Variants in PDLIM1 observed in about 807,000 individuals in gnomAD.
PDLIM1 encodes the protein PDZ and LIM domain 1.
A neutral mutation model predicts 35.2 loss-of-function variants in PDLIM1; 25 were observed. That is an observed-to-expected ratio of 0.71 (90% CI 0.52 to 0.99). The LOEUF is 0.99. Among genes scored for constraint, PDLIM1 ranks in the 50% least tolerant of loss-of-function variants. The probability of loss-of-function intolerance (pLI) is 0.00; values close to 1 mark genes in which losing one functional copy is unlikely to be tolerated. For synonymous variants in PDLIM1, 152 were observed against 154.0 expected (o/e 0.99, Z 0.10); for missense variants, 363 against 415.3 (o/e 0.87, Z 1.09).
At chr10:95,244,606 A>G (rs960652561) in intron 5 of PDLIM1, among the ~76,000 whole-genome samples, 3 of 152,240 alleles carry the variant, frequency 2.0e-5, no homozygotes, top group African/African-American at 7.2e-5. Flanking sequence ...TCAAATAAAA[A>G]CAGGCATTTG....
intron 1 of PDLIM1, among the ~76,000 whole-genome samples, chr10:95,281,451 C>T (rs999929455): frequency 9.2e-5 from 14 of 152,098 alleles, no homozygotes; most frequent in African/African-American, 3.1e-4. Context: ...GTAGTCCCAG[C>T]TACTCAAGGA....
intron 2 of PDLIM1, among the ~76,000 whole-genome samples, chr10:95,269,414 A>T (rs2035442916): frequency 6.6e-6 from 1 of 151,910 alleles, no homozygotes; most frequent in Non-Finnish European, 1.5e-5. Context: ...TCCACTAAAA[A>T]TACAAAAATT....
intron 1 of PDLIM1, among the ~76,000 whole-genome samples, chr10:95,277,811 A>T (rs45576435): frequency 0.038 from 5,777 of 152,216 alleles, 288 homozygotes; most frequent in African/African-American, 0.12. Flanking sequence ...TCTCCACTCC[A>T]AGTTCATAAT....
chr10:95,290,827 A>G lies in PDLIM1; in HGVS notation c.89T>C (p.Ile30Thr). The G allele has an allele frequency of 6.4e-7, 1 of 1,558,654 alleles. No homozygotes were observed. Among genetic ancestry groups the G allele is most frequent in the Non-Finnish European group, 8.7e-7 (1 of 1,151,238 alleles). ...GGKDFEQPLA[I>T]SRVTPGSKAA... Reference sequence around the variant, plus strand: ...CGTCCCAGCTGCTCTTACCCGGGAAATGGCGAGAGGCTGCTCGAAGTCCTT... The same window carrying G: ...CGTCCCAGCTGCTCTTACCCGGGAAGTGGCGAGAGGCTGCTCGAAGTCCTT... The change falls in exon 1 of 7, where the codon ATT becomes ACT. Residue 30 changes from isoleucine to threonine, a missense_variant. By Grantham distance (89) the Ile-to-Thr change is moderately conservative (BLOSUM62 -1). Transcript: ENST00000329399. The surrounding 1 kb of genome is among the most constrained non-coding windows in gnomAD (Gnocchi z 4.7).
At chr10:95,249,680 C>G (rs191490003) in intron 4 of PDLIM1, among the ~76,000 whole-genome samples, 165 of 152,336 alleles carry the variant, frequency 1.1e-3, no homozygotes, top group African/African-American at 3.8e-3. Context: ...CTCCTTTCTT[C>G]CTTTCTCTTT....
At chr10:95,280,867 A>G (rs2035555442) in intron 1 of PDLIM1, among the ~76,000 whole-genome samples, 1 of 152,152 alleles carries the variant, frequency 6.6e-6, no homozygotes, top group Admixed American at 6.5e-5. Context: ...GCCAACTGTG[A>G]TATTTGCAAG....
At chr10:95,261,845 C>T (rs2035364402) in intron 4 of PDLIM1, among the ~76,000 whole-genome samples, 1 of 152,008 alleles carries the variant, frequency 6.6e-6, no homozygotes, top group Admixed American at 6.6e-5. Flanking sequence ...CCCATCTATA[C>T]TAAAAACACA....
At chr10:95,268,344 T>C (rs1157447972) in intron 3 of PDLIM1, among the ~76,000 whole-genome samples, 1 of 152,228 alleles carries the variant, frequency 6.6e-6, no homozygotes, top group Non-Finnish European at 1.5e-5. Flanking sequence ...GGGCATACAG[T>C]GGGGAGAAGC....
chr10:95,238,180 G>C, intron 6 of PDLIM1, 69 bp from the exon 7 acceptor site: 7 of 1,386,384 alleles, frequency 5.0e-6, no homozygotes, highest in Non-Finnish European at 6.0e-6. Context: ...TGAGCAGGTG[G>C]CACCATCCTT....
intron 5 of PDLIM1, among the ~76,000 whole-genome samples, chr10:95,244,556 A>T (rs980668469): frequency 2.0e-5 from 3 of 152,194 alleles, no homozygotes; most frequent in African/African-American, 4.8e-5. Context: ...AGGACCTCTC[A>T]TCAACTGCTT....
intron 1 of PDLIM1, among the ~76,000 whole-genome samples, chr10:95,274,139 C>T (rs192358541): frequency 6.6e-6 from 1 of 152,250 alleles, no homozygotes; most frequent in African/African-American, 2.4e-5. Context: ...TGCCTCTTCC[C>T]CACTGGGCTC....
chr10:95,257,483 C>A (rs546096302), intron 4 of PDLIM1, among the ~76,000 whole-genome samples: 1 of 151,484 alleles, frequency 6.6e-6, no homozygotes, highest in African/African-American at 2.4e-5. Context: ...ACAAATAGCT[C>A]GATTAAAAAA....
chr10:95,258,490 A>T (rs2035335393), intron 4 of PDLIM1, among the ~76,000 whole-genome samples: 1 of 152,068 alleles, frequency 6.6e-6, no homozygotes, highest in African/African-American at 2.4e-5. Context: ...GGACAGAGCG[A>T]GACTCTGTCT....
chr10:95,268,552 C>G (rs1308189217), intron 3 of PDLIM1, among the ~76,000 whole-genome samples: 2 of 152,254 alleles, frequency 1.3e-5, no homozygotes, highest in Non-Finnish European at 2.9e-5. Flanking sequence ...TTCCGACCCC[C>G]TGCTTCCAGC....
At position 95,238,550 on chromosome 10, in the gene PDLIM1, TG is replaced by T; in HGVS notation, c.803+17del. On this transcript the variant is annotated intron_variant, in intron 6 of 6. Coordinates refer to ENST00000329399, the MANE Select transcript of PDLIM1 (RefSeq NM_020992.4). ...CAACCTGCAGGGTCTGCAAAGGCTG[TG>T]GGAAGCAGATACTCACACAATCCCA... 1 of 1,455,130 alleles carries T rather than the reference TG, an allele frequency of 6.9e-7. No individual in the cohort carries two copies. Among genetic ancestry groups the T allele is most frequent in the Non-Finnish European group, 9.7e-7 (1 of 1,036,182 alleles). The allele number at this position is 1,455,130 out of a possible 1,614,324, so 90.1% of individuals were successfully genotyped here.
At chr10:95,256,994 G>GA (rs773386796) in intron 4 of PDLIM1, among the ~76,000 whole-genome samples, 3,141 of 110,198 alleles carry the variant, frequency 0.029, 117 homozygotes, top group African/African-American at 0.04. Context: ...AAAAAAGAAA[G>GA]AAAGAAAGAA....
At chr10:95,240,634 T>C (rs1443577209) in intron 5 of PDLIM1, among the ~76,000 whole-genome samples, 2 of 152,190 alleles carry the variant, frequency 1.3e-5, no homozygotes, top group Non-Finnish European at 2.9e-5. Context: ...ATCCTACACA[T>C]GTACCCCTGA....
chr10:95,285,124 C>T (rs767111137), intron 1 of PDLIM1, among the ~76,000 whole-genome samples: 1 of 152,200 alleles, frequency 6.6e-6, no homozygotes, highest in Non-Finnish European at 1.5e-5. Context: ...CTAGCCAGTC[C>T]TTCCACTCCT....
In PDLIM1 at chr10:95,290,968, G is replaced by T; in HGVS notation, c.-53C>A. ...CGGGGACAGACGGGCAGGACGCGCG[G>T]AACAGCTTGCAGGGCACCCCCGGCG... On this transcript the variant is annotated 5_prime_UTR_variant, in exon 1 of 7. Coordinates refer to ENST00000329399, the MANE Select transcript of PDLIM1 (RefSeq NM_020992.4). This position sits in a 1 kb window ranked among gnomAD's most constrained non-coding sequence, Gnocchi z 4.7. 1.4e-5 allele frequency: 17 copies of T among 1,204,632 alleles called. No individual in the cohort carries two copies. The highest frequency in any genetic ancestry group is 2.0e-5 in the Non-Finnish European group (17 of 861,152). 74.6% of individuals were successfully genotyped at this position (1,204,632 alleles called of 1,614,324 possible). A position where few individuals can be genotyped will look rare whatever the true frequency, so the allele number is the denominator to read the frequency against.
Sources: gnomAD v4.1 joint callset for allele counts (sites outside exome capture counted in the v4.1 genomes callset) on GRCh38, gnomAD v4.1.1 for gene constraint, Gnocchi (gnomAD v3.1) non-coding constraint, MANE v1.5 for transcripts, NCBI Gene and HGNC (gene_info 2026-07-23, HGNC 2026-07-21) for gene names.